Variants in FBXL7 observed in about 807,000 individuals in gnomAD.
FBXL7 encodes the protein F-box/LRR-repeat protein 7.
A neutral mutation model predicts 38.3 loss-of-function variants in FBXL7; 12 were observed. The ratio of observed to expected loss-of-function variants is 0.31; its 90% CI spans 0.20 to 0.51. The LOEUF is 0.51. Among genes scored for constraint, FBXL7 ranks in the 20% least tolerant of loss-of-function variants. FBXL7 has a pLI of 0.98. For missense variants in FBXL7, 567 were observed against 676.4 expected (o/e 0.84, Z 1.79); for synonymous variants, 297 against 300.9 (o/e 0.99, Z 0.13).
chr5:15,752,168 G>T (rs1473859541), intron 2 of FBXL7, among the ~76,000 whole-genome samples: 1 of 75,804 alleles, frequency 1.3e-5, no homozygotes, highest in Non-Finnish European at 3.4e-5. Context: ...ATTGCAGGGG[G>T]CTAGGAGGGA....
chr5:15,512,207 G>A (rs1322918604), intron 1 of FBXL7, among the ~76,000 whole-genome samples: 1 of 152,164 alleles, frequency 6.6e-6, no homozygotes, highest in Admixed American at 6.5e-5. Context: ...AGCCCTTTAG[G>A]ATGAGTTGAT....
At chr5:15,659,829 C>A (rs1741999870) in intron 2 of FBXL7, among the ~76,000 whole-genome samples, 1 of 152,136 alleles carries the variant, frequency 6.6e-6, no homozygotes, top group Admixed American at 6.5e-5. Flanking sequence ...TATGTATAAT[C>A]TAAGCAAAGT....
At chr5:15,543,015 A>T (rs532108282) in intron 1 of FBXL7, among the ~76,000 whole-genome samples, 1 of 152,320 alleles carries the variant, frequency 6.6e-6, no homozygotes, top group Admixed American at 6.5e-5. Context: ...CAGTGAAGTT[A>T]CAAATATAGA....
At chr5:15,580,515 CAG>C in intron 1 of FBXL7, 1 of 541,674 alleles carries the variant, frequency 1.8e-6, no homozygotes, top group Non-Finnish European at 2.4e-6. Flanking sequence ...TACCTAAAAA[CAG>C]AGTTTTAGTC....
intron 2 of FBXL7, among the ~76,000 whole-genome samples, chr5:15,793,160 G>C (rs1422739743): frequency 6.6e-6 from 1 of 152,128 alleles, no homozygotes; most frequent in Non-Finnish European, 1.5e-5. Context: ...TGGAAGTCCT[G>C]GATCCCCAAG....
intron 1 of FBXL7, among the ~76,000 whole-genome samples, chr5:15,506,010 A>T (rs1447237007): frequency 6.6e-6 from 1 of 152,170 alleles, no homozygotes; most frequent in Non-Finnish European, 1.5e-5. Context: ...TTACAGTTTG[A>T]GGTAAGACAG....
intron 2 of FBXL7, among the ~76,000 whole-genome samples, chr5:15,801,127 G>C (rs1366380907): frequency 6.6e-6 from 1 of 152,162 alleles, no homozygotes; most frequent in Non-Finnish European, 1.5e-5. Flanking sequence ...GTGTGATCAA[G>C]GGTAATCTCC....
At chr5:15,916,299 A>G (rs1215542969) in intron 2 of FBXL7, among the ~76,000 whole-genome samples, 1 of 152,202 alleles carries the variant, frequency 6.6e-6, no homozygotes. Flanking sequence ...CCTAGTGGTT[A>G]CCATATTAGA....
intron 2 of FBXL7, among the ~76,000 whole-genome samples, chr5:15,726,537 A>G (rs1012493706): frequency 6.6e-6 from 1 of 152,030 alleles, no homozygotes; most frequent in African/African-American, 2.4e-5. Context: ...TACTAAAAAT[A>G]CAAAAATTAG....
At chr5:15,788,840 C>T (rs957981411) in intron 2 of FBXL7, among the ~76,000 whole-genome samples, 2 of 151,652 alleles carry the variant, frequency 1.3e-5, no homozygotes, top group Admixed American at 6.6e-5. Flanking sequence ...CCACCACACC[C>T]AGCTAAGTTT....
chr5:15,526,043 G>C (rs1409499730), intron 1 of FBXL7, among the ~76,000 whole-genome samples: 2 of 152,128 alleles, frequency 1.3e-5, no homozygotes, highest in Non-Finnish European at 2.9e-5. Flanking sequence ...ATGATGTGGG[G>C]GTGATGAAAG....
At chr5:15,926,032 A>G (rs1741869309) in intron 2 of FBXL7, among the ~76,000 whole-genome samples, 2 of 152,172 alleles carry the variant, frequency 1.3e-5, no homozygotes, top group South Asian at 4.1e-4. Flanking sequence ...GAGCACATTT[A>G]AGGTAGGCTA....
intron 2 of FBXL7, among the ~76,000 whole-genome samples, chr5:15,925,186 AAT>A (rs1210291971): frequency 6.6e-6 from 1 of 152,234 alleles, no homozygotes; most frequent in Non-Finnish European, 1.5e-5. Context: ...TGGTAATGCT[AAT>A]ATGTTAAAAA....
At chr5:15,632,190 T>C (rs944719651) in intron 2 of FBXL7, among the ~76,000 whole-genome samples, 4 of 152,228 alleles carry the variant, frequency 2.6e-5, no homozygotes, top group Admixed American at 6.5e-5. Context: ...GGGGATATAA[T>C]ATGTTTTGTT....
chr5:15,527,997 A>T (rs747082320), intron 1 of FBXL7, among the ~76,000 whole-genome samples: 9 of 152,200 alleles, frequency 5.9e-5, no homozygotes, highest in Non-Finnish European at 1.0e-4. Flanking sequence ...ACCATCAGAA[A>T]CAATATCTAA....
chr5:15,887,760 T>A (rs757135583), intron 2 of FBXL7, among the ~76,000 whole-genome samples: 7 of 152,210 alleles, frequency 4.6e-5, no homozygotes, highest in Non-Finnish European at 7.3e-5. Context: ...AACTAGACAG[T>A]ATCTTTTGGT....
At chr5:15,519,258 C>T (rs1441307421) in intron 1 of FBXL7, among the ~76,000 whole-genome samples, 3 of 151,954 alleles carry the variant, frequency 2.0e-5, no homozygotes, top group Non-Finnish European at 2.9e-5. Context: ...CCGGAGAATC[C>T]CTGGAACCTG....
At chr5:15,549,502 G>T (rs1468877961) in intron 1 of FBXL7, among the ~76,000 whole-genome samples, 1 of 151,960 alleles carries the variant, frequency 6.6e-6, no homozygotes, top group African/African-American at 2.4e-5. Context: ...ATGTTTCTTT[G>T]CATGAACATT....
intron 1 of FBXL7, among the ~76,000 whole-genome samples, chr5:15,583,403 A>G (rs1739206495): frequency 6.6e-6 from 1 of 152,214 alleles, no homozygotes; most frequent in South Asian, 2.1e-4. Flanking sequence ...TCCACAATCC[A>G]AAGTCTCATC....
Sources: allele counts gnomAD v4.1 joint callset (sites outside exome capture counted in the v4.1 genomes callset), GRCh38; gene constraint gnomAD v4.1.1; transcripts MANE v1.5; gene names NCBI Gene and HGNC (gene_info 2026-07-23, HGNC 2026-07-21).